Variants in NKAIN3 observed in about 807,000 individuals in gnomAD.
NKAIN3 encodes the protein sodium/potassium-transporting ATPase subunit beta-1-interacting protein 3.
Under a neutral mutation model 30.2 loss-of-function variants are expected in NKAIN3, and 25 were observed. That is an observed-to-expected ratio of 0.83 (90% CI 0.60 to 1.16). The LOEUF is 1.16. Ranked by LOEUF, NKAIN3 falls within the 50% of genes most tolerant of loss-of-function variation. The pLI, the probability that NKAIN3 is intolerant of heterozygous loss-of-function variation, is 0.00. For synonymous variants in NKAIN3, 91 were observed against 89.6 expected (o/e 1.02, Z -0.09); for missense variants, 225 against 254.1 (o/e 0.89, Z 0.78).
At chr8:62,595,382 CTTTTT>C (rs1181598520) in intron 3 of NKAIN3, among the ~76,000 whole-genome samples, 1 of 109,954 alleles carries the variant, frequency 9.1e-6, no homozygotes, top group Non-Finnish European at 1.8e-5. Context: ...GGGCTATTTT[CTTTTT>C]TTTTTTTTTT....
At chr8:62,648,198 G>A (rs914393664) in intron 3 of NKAIN3, among the ~76,000 whole-genome samples, 1 of 152,122 alleles carries the variant, frequency 6.6e-6, no homozygotes, top group Admixed American at 6.6e-5. Flanking sequence ...ACTATGTCCT[G>A]TAAGACATGG....
chr8:62,989,538 C>T (rs1824274173), downstream of NKAIN3, among the ~76,000 whole-genome samples: 1 of 152,020 alleles, frequency 6.6e-6, no homozygotes, highest in Non-Finnish European at 1.5e-5. Flanking sequence ...AAGACCCACC[C>T]CCATGATTCT....
chr8:62,956,461 C>G (rs183978424), intron 6 of NKAIN3, among the ~76,000 whole-genome samples: 1 of 152,164 alleles, frequency 6.6e-6, no homozygotes, highest in African/African-American at 2.4e-5. Context: ...CTAGGTAATA[C>G]TGCAGAATTG....
At chr8:62,329,107 T>C (rs992496411) in intron 1 of NKAIN3, among the ~76,000 whole-genome samples, 1 of 151,896 alleles carries the variant, frequency 6.6e-6, no homozygotes, top group African/African-American at 2.4e-5. Context: ...CTGAGAAGTA[T>C]ATCTTCTCAG....
intron 3 of NKAIN3, among the ~76,000 whole-genome samples, chr8:62,696,094 A>G (rs1167927811): frequency 6.6e-6 from 1 of 151,304 alleles, no homozygotes; most frequent in Non-Finnish European, 1.5e-5. Context: ...TGAGCTTTTG[A>G]TTTTTAATTT....
At chr8:62,801,528 G>A (rs569964526) in intron 4 of NKAIN3, among the ~76,000 whole-genome samples, 1 of 152,324 alleles carries the variant, frequency 6.6e-6, no homozygotes, top group South Asian at 2.1e-4. Flanking sequence ...TGGACCTCTA[G>A]CAAACTCCAA....
intron 1 of NKAIN3, among the ~76,000 whole-genome samples, chr8:62,484,097 G>A (rs1806824494): frequency 6.6e-6 from 1 of 152,178 alleles, no homozygotes; most frequent in Non-Finnish European, 1.5e-5. Flanking sequence ...GCTCTGTACT[G>A]GCTTCCTGTG....
chr8:62,683,299 G>A (rs1245533892), intron 3 of NKAIN3, among the ~76,000 whole-genome samples: 6 of 152,176 alleles, frequency 3.9e-5, no homozygotes, highest in African/African-American at 1.4e-4. Flanking sequence ...CTCCCAAAGT[G>A]CTGAGATTAT....
At chr8:62,823,389 A>C (rs780706353) in intron 4 of NKAIN3, among the ~76,000 whole-genome samples, 1 of 152,206 alleles carries the variant, frequency 6.6e-6, no homozygotes, top group Non-Finnish European at 1.5e-5. Context: ...CATAATGTTT[A>C]ATACAGATAA....
At chr8:62,423,044 T>A (rs925949008) in intron 1 of NKAIN3, among the ~76,000 whole-genome samples, 4 of 151,894 alleles carry the variant, frequency 2.6e-5, no homozygotes, top group African/African-American at 9.7e-5. Context: ...CTAACAGTGG[T>A]TTTTCCATTT....
At chr8:62,286,385 G>T (rs1813380984) in intron 1 of NKAIN3, among the ~76,000 whole-genome samples, 1 of 152,072 alleles carries the variant, frequency 6.6e-6, no homozygotes, top group Non-Finnish European at 1.5e-5. Flanking sequence ...AGAAGATACA[G>T]TATTTTTTTT....
chr8:62,359,147 A>C (rs1251548089), intron 1 of NKAIN3, among the ~76,000 whole-genome samples: 1 of 152,192 alleles, frequency 6.6e-6, no homozygotes, highest in Non-Finnish European at 1.5e-5. Context: ...GTGCCACTGC[A>C]CTCCAGCCTG....
intron 1 of NKAIN3, among the ~76,000 whole-genome samples, chr8:62,251,525 GA>G (rs1263151461): frequency 6.6e-6 from 1 of 152,108 alleles, no homozygotes; most frequent in African/African-American, 2.4e-5. Context: ...AGAGGAAAGT[GA>G]AAATTTGAAG....
chr8:62,502,249 T>A (rs913997769), intron 1 of NKAIN3, among the ~76,000 whole-genome samples: 3 of 152,178 alleles, frequency 2.0e-5, no homozygotes, highest in African/African-American at 7.2e-5. Context: ...TCATCTTCTG[T>A]TCTATCTCTA....
chr8:62,937,913 A>G (rs910418138), intron 5 of NKAIN3, among the ~76,000 whole-genome samples: 1 of 152,004 alleles, frequency 6.6e-6, no homozygotes, highest in Non-Finnish European at 1.5e-5. Flanking sequence ...AACTGACTGA[A>G]GCCTATCATT....
chr8:62,497,605 G>A lies in NKAIN3; in HGVS notation c.55-81934G>A, dbSNP rs557478923. ...GTATTTTCAATGGAGACACACCAGA[G>A]AATTTTATTCTATGTCAGAGGAGGC... On this transcript the variant is annotated intron_variant, in intron 1 of 6. Transcript: ENST00000623646. 3.3e-5 allele frequency among the ~76,000 whole-genome samples: 5 copies of A among 152,128 alleles called. No individual in the cohort carries two copies. In the South Asian group the frequency reaches 1.0e-3, roughly 32 times the overall value.
intron 4 of NKAIN3, among the ~76,000 whole-genome samples, chr8:62,873,347 A>AG (rs1820702100): frequency 6.6e-6 from 1 of 151,894 alleles, no homozygotes; most frequent in African/African-American, 2.4e-5. Flanking sequence ...ACAAGTTCTT[A>AG]GGGACCTACA....
chr8:62,341,235 G>A lies in NKAIN3; in HGVS notation c.54+92108G>A, dbSNP rs578167232. Among the ~76,000 whole-genome samples the A allele has an allele frequency of 9.2e-5, 14 of 152,060 alleles. No homozygotes were observed. The East Asian group carries it at 2.5e-3, about 28-fold the overall frequency. On this transcript the variant is annotated intron_variant, in intron 1 of 6. Coordinates refer to ENST00000623646, the MANE Select transcript of NKAIN3 (RefSeq NM_001304533.3). Reference sequence around the variant, plus strand: ...AACAGGCATTGTTTTCAGGTACTGTGATAGACCCTTTCTCTTACTTAAAGC... The same window carrying A: ...AACAGGCATTGTTTTCAGGTACTGTAATAGACCCTTTCTCTTACTTAAAGC...
chr8:62,316,360 A>G (rs1048499161), intron 1 of NKAIN3, among the ~76,000 whole-genome samples: 2 of 151,972 alleles, frequency 1.3e-5, no homozygotes, highest in African/African-American at 2.4e-5. Flanking sequence ...TACTTGTGCC[A>G]TGTTGGTGTG....
Sources: gnomAD v4.1 joint callset for allele counts (sites outside exome capture counted in the v4.1 genomes callset) on GRCh38, gnomAD v4.1.1 for gene constraint, MANE v1.5 for transcripts, NCBI Gene and HGNC (gene_info 2026-07-23, HGNC 2026-07-21) for gene names.